The following C1QTNF9B variants were observed in gnomAD, a reference collection of about 807,000 sequenced individuals.
C1QTNF9B encodes the protein complement C1q and tumor necrosis factor-related protein 9B.
A neutral mutation model predicts 10.1 loss-of-function variants in C1QTNF9B; 9 were observed. The observed-to-expected ratio is 0.89, with a 90% confidence interval of 0.53 to 1.55. The LOEUF is 1.55. Among genes scored for constraint, C1QTNF9B ranks in the 40% most tolerant of loss-of-function variants. C1QTNF9B has a pLI of 0.00. For missense variants in C1QTNF9B, 196 were observed against 414.4 expected, an observed-to-expected ratio of 0.47 and a Z score of 4.58; for synonymous variants, 79 against 159.9, an observed-to-expected ratio of 0.49 and a Z score of 3.82.
At chr13:23,893,115 T>A (rs1872074549) in intron 2 of C1QTNF9B, among the ~76,000 whole-genome samples, 1 of 152,152 alleles carries the variant, frequency 6.6e-6, no homozygotes, top group Non-Finnish European at 1.5e-5. Context: ...TCTGTCCCCA[T>A]ATGCACACAG....
rs201993060 is a variant in C1QTNF9B, at chr13:23,896,802, G to A, written c.166+19C>T. ...TGAAGAGAGAAGCTCAAAGGCAGCCGAAGCCGTCAGGTGAGTACCTGCATC... is the reference window on the plus strand; with the variant it reads ...TGAAGAGAGAAGCTCAAAGGCAGCCAAAGCCGTCAGGTGAGTACCTGCATC... On this transcript the variant is annotated intron_variant, in intron 1 of 2. Coordinates refer to ENST00000382137, the Ensembl canonical transcript of C1QTNF9B. The A allele has an allele frequency of 1.9e-4, 301 of 1,611,102 alleles. 1 individual carries two copies. In the South Asian group the frequency reaches 2.6e-3, roughly 14 times the overall value.
rs554480096 is a variant in C1QTNF9B, at chr13:23,894,218, A to G, written c.167-17T>C. 27 of 1,473,470 alleles carry G rather than the reference A, an allele frequency of 1.8e-5. No individual in the cohort carries two copies. The East Asian group carries it at 6.1e-4, about 33-fold the overall frequency. The allele number at this position is 1,473,470 out of a possible 1,614,324, so 91.3% of individuals were successfully genotyped here. On this transcript the variant is annotated splice_polypyrimidine_tract_variant and intron_variant, in intron 1 of 2. Coordinates refer to ENST00000382137, the Ensembl canonical transcript of C1QTNF9B. ...CTGGTTCTCCTAGGTGGAAAAGCAGAAAACAGGCATGAGTTGAAATTCCAT... is the reference window on the plus strand; with the variant it reads ...CTGGTTCTCCTAGGTGGAAAAGCAGGAAACAGGCATGAGTTGAAATTCCAT...
At chr13:23,894,109 A>G (rs1248773741) in intron 2 of C1QTNF9B, 30 bp downstream of exon 4, 4 of 1,429,170 alleles carry the variant, frequency 2.8e-6, no homozygotes, top group Non-Finnish European at 3.9e-6. Context: ...ACAGCTCAGA[A>G]TTAGAGCACC....
At chr13:23,891,658 C>T (rs1201055927) in exon 3 of C1QTNF9B, 1 of 1,613,700 alleles carries the variant, frequency 6.2e-7, no homozygotes, top group African/African-American at 1.3e-5. Context: ...GAAACTTGCT[C>T]AGCACCGTGA....
rs770123997 is a variant in C1QTNF9B, at chr13:23,892,063, T to TA, written c.230-3dup. On this transcript the variant is annotated splice_polypyrimidine_tract_variant and splice_region_variant and intron_variant, in intron 2 of 2. Coordinates refer to ENST00000382137, the Ensembl canonical transcript of C1QTNF9B. ...TTGCTTCAACTTTTCCATCTGCTCC[T>TA]AAATAGAGAAAGAGCAAATAAAGAG... 1 of 1,613,256 alleles carries TA rather than the reference T, an allele frequency of 6.2e-7. No individual in the cohort carries two copies. Among genetic ancestry groups the TA allele is most frequent in the South Asian group, 1.1e-5 (1 of 90,920 alleles).
intron 2 of C1QTNF9B, among the ~76,000 whole-genome samples, chr13:23,893,150 C>G (rs1268653957): frequency 6.6e-6 from 1 of 152,190 alleles, no homozygotes; most frequent in East Asian, 1.9e-4. Context: ...TAGTGAGCCT[C>G]GTGCCTCTGT....
At chr13:23,897,241 A>T (rs1214476948), upstream of C1QTNF9B, 3 of 499,306 alleles carry the variant, frequency 6.0e-6, no homozygotes, top group Non-Finnish European at 1.1e-5. Flanking sequence ...ACGGGCAATA[A>T]AAAAAAGCCA....
At position 23,891,531 on chromosome 13, in the gene C1QTNF9B, G is replaced by A. The variant is rs747857118; in HGVS notation, c.760C>T (p.His254Tyr). 2.5e-6 allele frequency: 4 copies of A among 1,608,078 alleles called. No individual in the cohort carries two copies. In the South Asian group the frequency reaches 3.3e-5, roughly 13 times the overall value. Residue 254 changes from histidine (H) to tyrosine (Y), a missense_variant, in exon 3 of 3, where the codon CAC (histidine) becomes TAC (tyrosine). Around this residue, in one of 5 missense-constraint regions of C1QTNF9B, gnomAD observed 28 missense variants for 74.9 expected, o/e 0.37. Coordinates refer to ENST00000382137, the Ensembl canonical transcript of C1QTNF9B. ...ACATTCCTGGAGAAAACAGTGATGT[G>A]GTAGGTGAAGTAATAGACCCCAGCA...
At chr13:23,895,051 G>A (rs1047688243) in intron 1 of C1QTNF9B, among the ~76,000 whole-genome samples, 9 of 152,146 alleles carry the variant, frequency 5.9e-5, no homozygotes, top group African/African-American at 1.7e-4. Flanking sequence ...TTTCTGTCAC[G>A]ATGTCTGTTC....
chr13:23,896,535 C>T (rs1402496617), intron 1 of C1QTNF9B, among the ~76,000 whole-genome samples: 2 of 152,160 alleles, frequency 1.3e-5, no homozygotes, highest in Non-Finnish European at 2.9e-5. Context: ...TGAAAATGTC[C>T]TGCGGTGTCA....
chr13:23,891,468 G>A lies in C1QTNF9B; in HGVS notation c.823C>T (p.His275Tyr). The change falls in exon 3 of 3, where the codon CAC becomes TAC. Residue 275 changes from histidine to tyrosine, a missense_variant. Physicochemically the swap from His to Tyr is moderately conservative, Grantham distance 83 (BLOSUM62 2). Coordinates refer to ENST00000382137, the Ensembl canonical transcript of C1QTNF9B. ...GAGCTCACGTAAGCATCTCTGGTGTGCAGTATTTTTACTCCGTTTTTGACC... is the reference window on the plus strand; with the variant it reads ...GAGCTCACGTAAGCATCTCTGGTGTACAGTATTTTTACTCCGTTTTTGACC... The A allele has an allele frequency of 5.7e-6, 9 of 1,582,010 alleles. 2 individuals carry two copies. The South Asian group carries it at 1.0e-4, about 18-fold the overall frequency.
rs138193309 is a variant in C1QTNF9B at position 23,894,535 on chromosome 13, A to T, written c.167-334T>A. The T allele has an allele frequency of 6.9e-4, 394 of 569,154 alleles. 3 individuals are homozygous for T. Among genetic ancestry groups the T allele is most frequent in the African/African-American group, 6.7e-3 (364 of 54,364 alleles). The allele number at this position is 569,154 out of a possible 1,614,324, so 35.3% of individuals were successfully genotyped here. A position where few individuals can be genotyped will look rare whatever the true frequency, so the allele number is the denominator to read the frequency against. ...CAATTGATTGTGTTCCTCTCCTGCG[A>T]CAAGGACTTGGGACGTGGTCTGAAT... On this transcript the variant is annotated intron_variant, in intron 1 of 2. Coordinates refer to ENST00000382137, the Ensembl canonical transcript of C1QTNF9B.
chr13:23,894,065 A>C, intron 2 of C1QTNF9B, 74 bp downstream of exon 4: 1 of 1,350,900 alleles, frequency 7.4e-7, no homozygotes. Context: ...ATCAGCATGG[A>C]GGACTTGTCC....
chr13:23,897,212 G>A, upstream of C1QTNF9B: 1 of 545,986 alleles, frequency 1.8e-6, no homozygotes, highest in Non-Finnish European at 3.2e-6. Flanking sequence ...CTTGTGATTG[G>A]AACCACTCTT....
chr13:23,894,338 C>T (rs1872123406), intron 1 of C1QTNF9B, 137 bp from the exon 4 acceptor site: 16 of 846,644 alleles, frequency 1.9e-5, no homozygotes, highest in African/African-American at 6.6e-5. Context: ...TCCACACGAG[C>T]GCAGGTGGAG....
exon 3 of C1QTNF9B, chr13:23,891,106 T>A: frequency 3.7e-6 from 2 of 536,128 alleles, no homozygotes; most frequent in Non-Finnish European, 6.1e-6. Flanking sequence ...GCAGCTATTT[T>A]AAATATTTAC....
intron 1 of C1QTNF9B, among the ~76,000 whole-genome samples, chr13:23,895,752 G>GACACACAC (rs951227955): frequency 8.0e-6 from 1 of 124,284 alleles, no homozygotes; most frequent in African/African-American, 2.8e-5. Flanking sequence ...CACAGACACA[G>GACACACAC]ACATACACAC....
chr13:23,891,620 T>C, exon 3 of C1QTNF9B: 2 of 1,613,180 alleles, frequency 1.2e-6, no homozygotes, highest in Non-Finnish European at 1.7e-6. Context: ...CAGGATCTTA[T>C]CAAATTTAAT....
intron 1 of C1QTNF9B, among the ~76,000 whole-genome samples, chr13:23,895,185 CTG>C (rs1390588534): frequency 6.6e-6 from 1 of 151,976 alleles, no homozygotes; most frequent in African/African-American, 2.4e-5. Context: ...GGCTGCTCCC[CTG>C]TGTCTTCCTC....
Sources: gnomAD v4.1 joint callset for allele counts (sites outside exome capture counted in the v4.1 genomes callset) on GRCh38, gnomAD v4.1.1 for gene constraint, gnomAD v4.1.1 regional missense constraint, MANE v1.5 for transcripts, NCBI Gene and HGNC (gene_info 2026-07-23, HGNC 2026-07-21) for gene names.